Variants in TUB observed in about 807,000 individuals in gnomAD.
The protein encoded by TUB is TUB bipartite transcription factor.
A neutral mutation model predicts 59.7 loss-of-function variants in TUB; 33 were observed. That is an observed-to-expected ratio of 0.55 (90% CI 0.42 to 0.74). TUB has a LOEUF of 0.74. Among genes scored for constraint, TUB ranks in the 30% least tolerant of loss-of-function variants. TUB has a pLI of 0.00. For synonymous variants in TUB, 293 were observed against 256.4 expected (o/e 1.14, Z -1.36); for missense variants, 659 against 672.0 (o/e 0.98, Z 0.21).
chr11:8,066,141 G>C (rs747289838), intron 2 of TUB, among the ~76,000 whole-genome samples: 4 of 152,116 alleles, frequency 2.6e-5, no homozygotes, highest in Non-Finnish European at 4.4e-5. Flanking sequence ...GGGCTCCAAG[G>C]GTACTGCCAG....
chr11:8,019,341 C>T (rs1209146212), exon 1 of TUB: 2 of 1,278,254 alleles, frequency 1.6e-6, no homozygotes, highest in East Asian at 3.1e-5. Flanking sequence ...TGTCTTACAG[C>T]CGCTGGAGCT....
intron 2 of TUB, chr11:8,075,451 G>A (rs953473777): frequency 1.3e-5 from 2 of 152,196 alleles, no homozygotes; most frequent in Non-Finnish European, 2.9e-5. Context: ...GATTATAATA[G>A]TACCTACCTT....
chr11:8,096,467 A>G lies in TUB; in HGVS notation c.566-218A>G, dbSNP rs139191462. Among the ~76,000 whole-genome samples, 3 of 152,268 alleles carry G rather than the reference A, an allele frequency of 2.0e-5. No individual in the cohort carries two copies. In the East Asian group the frequency reaches 5.8e-4, roughly 29 times the overall value. On this transcript the variant is annotated intron_variant, in intron 5 of 11. Coordinates refer to ENST00000299506, the MANE Select transcript of TUB (RefSeq NM_177972.3). Reference sequence around the variant, plus strand: ...TGAGGATTGTGGCCAGCCCCGGCTCATGTGTGTACCTGAGAGAATATCCTT... The same window carrying G: ...TGAGGATTGTGGCCAGCCCCGGCTCGTGTGTGTACCTGAGAGAATATCCTT...
intron 1 of TUB, among the ~76,000 whole-genome samples, chr11:8,031,225 G>T (rs1386936358): frequency 6.6e-6 from 1 of 152,030 alleles, no homozygotes; most frequent in Non-Finnish European, 1.5e-5. Flanking sequence ...GGTGGGACTG[G>T]GGGGATCCTC....
chr11:8,036,283 C>G (rs1484118813), upstream of TUB, among the ~76,000 whole-genome samples: 3 of 152,034 alleles, frequency 2.0e-5, no homozygotes, highest in East Asian at 5.8e-4. Flanking sequence ...CTTCTGAGCC[C>G]CTACTGCAGC....
chr11:8,048,901 C>T (rs1211353360), intron 2 of TUB, among the ~76,000 whole-genome samples: 1 of 152,036 alleles, frequency 6.6e-6, no homozygotes, highest in East Asian at 1.9e-4. Flanking sequence ...TTACTGCATG[C>T]CAGACTCTGT....
chr11:8,024,831 T>C (rs1942478455), intron 1 of TUB, among the ~76,000 whole-genome samples: 1 of 152,216 alleles, frequency 6.6e-6, no homozygotes, highest in Non-Finnish European at 1.5e-5. Context: ...ATTATGTTTG[T>C]GTGTGTGAGT....
chr11:8,046,071 C>T (rs1387022880), intron 2 of TUB, among the ~76,000 whole-genome samples: 1 of 152,146 alleles, frequency 6.6e-6, no homozygotes, highest in Non-Finnish European at 1.5e-5. Context: ...CACATTTGTG[C>T]GTTATCTCCC....
rs998546504 is a variant in TUB at position 8,086,530 on chromosome 11, G to A, written c.39-3080G>A. Among the ~76,000 whole-genome samples the A allele has an allele frequency of 9.2e-5, 14 of 152,214 alleles. No individual in the cohort carries two copies. In the East Asian group the frequency reaches 1.2e-3, roughly 13 times the overall value. The stretch of plus-strand genomic sequence containing the variant: ...GTTATTCACCAGGGAGAGTTGTTGC[G>A]CACTTGTCGTTAGCTAGGAACACCC... On this transcript the variant is annotated intron_variant, in intron 1 of 11. Coordinates refer to ENST00000299506, the MANE Select transcript of TUB (RefSeq NM_177972.3).
chr11:8,060,659 A>G (rs1052044611), intron 2 of TUB, among the ~76,000 whole-genome samples: 2 of 152,114 alleles, frequency 1.3e-5, no homozygotes, highest in African/African-American at 4.8e-5. Flanking sequence ...GAGTGTGGAA[A>G]TCTAGTCCCA....
intron 3 of TUB, among the ~76,000 whole-genome samples, chr11:8,090,692 C>T (rs943429245): frequency 6.6e-6 from 1 of 152,168 alleles, no homozygotes; most frequent in Admixed American, 6.5e-5. Flanking sequence ...CTTGCAGATC[C>T]CTCTCTCTGG....
intron 9 of TUB, among the ~76,000 whole-genome samples, chr11:8,099,114 C>T (rs1944141146): frequency 6.6e-6 from 1 of 151,984 alleles, no homozygotes; most frequent in Admixed American, 6.5e-5. Context: ...AGGCCTGGCT[C>T]TCTGCAGTCC....
At position 8,101,721 on chromosome 11, in the gene TUB, A is replaced by G. The variant is rs1321338058; in HGVS notation, c.*102A>G. 4.1e-6 allele frequency: 6 copies of G among 1,474,858 alleles called. No individual in the cohort carries two copies. The highest frequency in any genetic ancestry group is 1.4e-5 in the African/African-American group (1 of 71,418). 91.4% of individuals were successfully genotyped at this position (1,474,858 alleles called of 1,614,324 possible). On this transcript the variant is annotated 3_prime_UTR_variant, in exon 12 of 12. Transcript: ENST00000299506. ...ATCCTCTGTATATAGGCCTTCCGCC[A>G]GATGAAGCTTTGGCCCTCAGTGGGC...
intron 1 of TUB, among the ~76,000 whole-genome samples, chr11:8,028,070 G>A (rs1347323701): frequency 1.3e-5 from 2 of 152,070 alleles, no homozygotes; most frequent in African/African-American, 4.8e-5. Flanking sequence ...AATGTACAAG[G>A]GTTCCCATTT....
chr11:8,091,486 G>T (rs772194371), intron 3 of TUB, among the ~76,000 whole-genome samples: 13 of 152,212 alleles, frequency 8.5e-5, no homozygotes, highest in Non-Finnish European at 1.5e-4. Flanking sequence ...CAGTAAGGAT[G>T]TGGGCTCTGA....
At chr11:8,083,334 T>C (rs1467582979) in intron 1 of TUB, among the ~76,000 whole-genome samples, 2 of 152,124 alleles carry the variant, frequency 1.3e-5, no homozygotes, top group African/African-American at 2.4e-5. Flanking sequence ...GGTTAGGATC[T>C]GGCAAACTGG....
chr11:8,045,272 T>C (rs115137598), intron 2 of TUB, among the ~76,000 whole-genome samples: 40 of 152,280 alleles, frequency 2.6e-4, no homozygotes, highest in African/African-American at 8.2e-4. Context: ...GTTCCTATCA[T>C]GCAAGAATTT....
intron 11 of TUB, 29 bp downstream of exon 11, chr11:8,101,026 G>A: frequency 6.2e-7 from 1 of 1,613,290 alleles, no homozygotes. Context: ...ACTCATTATG[G>A]TCCGTAGGAT....
chr11:8,038,831 G>T, exon 1 of TUB: 1 of 1,605,244 alleles, frequency 6.2e-7, no homozygotes. Flanking sequence ...TATGCAGCCT[G>T]AAGTGGGACC....
Sources: gnomAD v4.1 joint callset for allele counts (sites outside exome capture counted in the v4.1 genomes callset) on GRCh38, gnomAD v4.1.1 for gene constraint, MANE v1.5 for transcripts, NCBI Gene and HGNC (gene_info 2026-07-23, HGNC 2026-07-21) for gene names.